Variants in SMARCA2 observed in about 807,000 individuals in gnomAD.
SMARCA2 encodes SWI/SNF related BAF chromatin remodeling complex subunit ATPase 2, also known as SWI/SNF-related matrix-associated actin-dependent regulator of chromatin subfamily A member 2.
In SMARCA2, 61 loss-of-function variants were observed where a neutral mutation model predicts 199.8. The ratio of observed to expected loss-of-function variants is 0.31; its 90% CI spans 0.25 to 0.38. The LOEUF is 0.38. SMARCA2 is among the 10% of genes least tolerant of loss of function. SMARCA2 has a pLI of 1.00. For missense variants in SMARCA2, 1,344 were observed against 2,012.2 expected (o/e 0.67, Z 6.35); for synonymous variants, 935 against 732.0 (o/e 1.28, Z -4.48).
At chr9:2,122,653 C>T (rs1823516373) in intron 26 of SMARCA2, among the ~76,000 whole-genome samples, 1 of 152,090 alleles carries the variant, frequency 6.6e-6, no homozygotes, top group Non-Finnish European at 1.5e-5. Context: ...TTCTAGAGGT[C>T]ATATTTGGGT....
intron 23 of SMARCA2, among the ~76,000 whole-genome samples, chr9:2,106,492 G>T (rs76439046): frequency 2.6e-5 from 4 of 152,180 alleles, no homozygotes; most frequent in Non-Finnish European, 5.9e-5. Flanking sequence ...GCATCTTTCC[G>T]TAAGAAACAG....
chr9:2,079,866 C>A (rs192363860), intron 14 of SMARCA2: 2 of 152,366 alleles, frequency 1.3e-5, no homozygotes, highest in African/African-American at 2.4e-5. Flanking sequence ...TCATCCAACA[C>A]CCTTCTAAGC....
chr9:2,175,397 G>C (rs1039192831), intron 29 of SMARCA2, among the ~76,000 whole-genome samples: 3 of 151,208 alleles, frequency 2.0e-5, no homozygotes, highest in African/African-American at 7.3e-5. Flanking sequence ...AATGCAATGG[G>C]AGAATCCTGA....
In SMARCA2 at chr9:2,155,189, A is replaced by G. The variant is rs540065908; in HGVS notation, c.3982-6497A>G. 1.5e-4 allele frequency among the ~76,000 whole-genome samples: 23 copies of G among 152,364 alleles called. No individual in the cohort carries two copies. In the South Asian group the frequency reaches 3.9e-3, roughly 26 times the overall value. On this transcript the variant is annotated intron_variant, in intron 27 of 33. Transcript: ENST00000349721. ...CACTAAATCTAAAAGTCATTCTCCA[A>G]ATAGAGTATATTGTGTTTAATACTG...
In SMARCA2 at chr9:2,193,613, T is replaced by G. The variant is rs936917656; in HGVS notation, c.*874T>G. The G allele has an allele frequency of 1.3e-5, 2 of 152,692 alleles. No homozygotes were observed. Among genetic ancestry groups the G allele is most frequent in the Non-Finnish European group, 2.9e-5 (2 of 68,054 alleles). The allele number at this position is 152,692 out of a possible 1,614,324, so 9.5% of individuals were successfully genotyped here. A position where few individuals can be genotyped will look rare whatever the true frequency, so the allele number is the denominator to read the frequency against. ...GTGCTTTCCTAATAAAGAAATAATT[T>G]AGCTTGACAAATGCAGCCTCTTTCT... On this transcript the variant is annotated 3_prime_UTR_variant, in exon 34 of 34. Coordinates refer to ENST00000349721, the MANE Select transcript of SMARCA2 (RefSeq NM_003070.5).
chr9:2,132,831 T>C (rs994780439), intron 27 of SMARCA2, among the ~76,000 whole-genome samples: 1 of 152,242 alleles, frequency 6.6e-6, no homozygotes, highest in Non-Finnish European at 1.5e-5. Flanking sequence ...AAAATAATTT[T>C]AAGAACTTTG....
intron 9 of SMARCA2, 69 bp downstream of exon 9, chr9:2,061,055 T>TAAAGAGCAATACTC: frequency 6.9e-7 from 1 of 1,444,502 alleles, no homozygotes; most frequent in Non-Finnish European, 9.4e-7. Flanking sequence ...AGGCGAGTAT[T>TAAAGAGCAATACTC]GCTCTTTAAG....
chr9:2,018,254 C>A (rs1429680769), intron 1 of SMARCA2, among the ~76,000 whole-genome samples: 3 of 152,136 alleles, frequency 2.0e-5, no homozygotes, highest in Non-Finnish European at 4.4e-5. Context: ...ATGTCTGCAC[C>A]GGGTGTTATG....
At chr9:2,158,064 A>C (rs992938153) in intron 27 of SMARCA2, among the ~76,000 whole-genome samples, 6 of 150,812 alleles carry the variant, frequency 4.0e-5, no homozygotes, top group Non-Finnish European at 7.4e-5. Context: ...CTAATTGAAG[A>C]GGGAGCTAGT....
chr9:2,087,398 A>G (rs929864391), intron 18 of SMARCA2: 7 of 253,474 alleles, frequency 2.8e-5, no homozygotes, highest in Non-Finnish European at 5.3e-5. Flanking sequence ...TTGCTGAAGT[A>G]ATTTAACCAG....
rs1563783962 is a variant in SMARCA2 at position 2,123,367 on chromosome 9, A to ATAGCCAAGAGGTCATATTTT, written c.3763-349_3763-330dup. Among the ~76,000 whole-genome samples, 1 of 152,204 alleles carries ATAGCCAAGAGGTCATATTTT rather than the reference A, an allele frequency of 6.6e-6. No homozygotes were observed. The highest frequency in any genetic ancestry group is 1.5e-5 in the Non-Finnish European group (1 of 68,034). On this transcript the variant is annotated intron_variant, in intron 26 of 33. Coordinates refer to ENST00000349721, the MANE Select transcript of SMARCA2 (RefSeq NM_003070.5). The surrounding 1 kb of genome is among the most constrained non-coding windows in gnomAD (Gnocchi z 4.1). ...TTCTTCCAGGGAAGCAATGAGTTGT[A>ATAGCCAAGAGGTCATATTTT]TAGCCAAGAGGTCATATTTTTAAAA... is the stretch of plus-strand genomic sequence containing the variant.
At chr9:2,021,901 G>C (rs978375782) in intron 1 of SMARCA2, 9 of 150,528 alleles carry the variant, frequency 6.0e-5, no homozygotes, top group Admixed American at 1.3e-4. Context: ...GGTTGCTGTA[G>C]GGGGAGGGCA....
chr9:2,053,084 G>A (rs1018192612), intron 5 of SMARCA2, among the ~76,000 whole-genome samples: 1 of 152,286 alleles, frequency 6.6e-6, no homozygotes, highest in South Asian at 2.1e-4. Context: ...TTCAGCTAAT[G>A]AGCATAGTAC....
At chr9:2,114,425 G>C (rs1231672517) in intron 24 of SMARCA2, among the ~76,000 whole-genome samples, 2 of 152,206 alleles carry the variant, frequency 1.3e-5, no homozygotes, top group African/African-American at 4.8e-5. Context: ...GCTACAACAG[G>C]TGACCAGGAG....
chr9:2,108,434 A>AC (rs1418019379), intron 23 of SMARCA2, among the ~76,000 whole-genome samples: 1 of 152,196 alleles, frequency 6.6e-6, no homozygotes, highest in Non-Finnish European at 1.5e-5. Context: ...GATGAGATTA[A>AC]CTGTTCGGTT....
At chr9:2,080,772 A>C (rs889990777) in intron 14 of SMARCA2, among the ~76,000 whole-genome samples, 7 of 152,212 alleles carry the variant, frequency 4.6e-5, no homozygotes, top group Non-Finnish European at 8.8e-5. Context: ...CTCCCTAAGA[A>C]AAATTCTTGT....
chr9:2,187,189 A>G (rs997885218), intron 32 of SMARCA2, among the ~76,000 whole-genome samples: 4 of 151,472 alleles, frequency 2.6e-5, no homozygotes, highest in African/African-American at 9.7e-5. Context: ...TAGTTTGTTT[A>G]TCATGGATTT....
At chr9:2,151,375 G>A (rs1171396832) in intron 27 of SMARCA2, among the ~76,000 whole-genome samples, 3 of 151,580 alleles carry the variant, frequency 2.0e-5, no homozygotes, top group Non-Finnish European at 3.0e-5. Context: ...GTGATGAGAT[G>A]TGAAAATGGC....
chr9:2,044,806 A>G (rs1481277607), intron 4 of SMARCA2: 1 of 152,248 alleles, frequency 6.6e-6, no homozygotes, highest in Admixed American at 6.5e-5. Flanking sequence ...GGAGACTGGA[A>G]TATGTAAGTA....
Sources: allele counts gnomAD v4.1 joint callset (sites outside exome capture counted in the v4.1 genomes callset), GRCh38; gene constraint gnomAD v4.1.1; non-coding constraint Gnocchi (gnomAD v3.1); transcripts MANE v1.5; gene names NCBI Gene and HGNC (gene_info 2026-07-23, HGNC 2026-07-21).